CHD6: variants seen among roughly 807,000 people sequenced by gnomAD.
CHD6 encodes the protein chromodomain helicase DNA binding protein 6.
A neutral mutation model predicts 276.9 loss-of-function variants in CHD6; 50 were observed. That is an observed-to-expected ratio of 0.18 (90% confidence interval 0.14 to 0.23). The LOEUF (loss-of-function observed/expected upper bound fraction) is 0.23, where lower values mean the gene tolerates loss of function less well. Ranked by LOEUF, CHD6 falls within the 10% of genes least tolerant of loss-of-function variation. The probability of loss-of-function intolerance (pLI) is 1.00; values close to 1 mark genes in which losing one functional copy is unlikely to be tolerated. For missense variants in CHD6, 2,564 were observed against 3,365.8 expected (o/e 0.76, Z 5.89); for synonymous variants, 1,173 against 1,229.3 (o/e 0.95, Z 0.96).
At chr20:41,530,151 C>G (rs1012439506) in intron 3 of CHD6, among the ~76,000 whole-genome samples, 1 of 152,154 alleles carries the variant, frequency 6.6e-6, no homozygotes, top group African/African-American at 2.4e-5. Flanking sequence ...CACAAGCTAA[C>G]AAATGTTTTT....
chr20:41,524,757 G>A (rs1349807150), intron 3 of CHD6, among the ~76,000 whole-genome samples: 1 of 152,076 alleles, frequency 6.6e-6, no homozygotes, highest in Non-Finnish European at 1.5e-5. Flanking sequence ...TCCCTACTCA[G>A]TATTTTCGTT....
At position 41,452,691 on chromosome 20, in the gene CHD6, AG is replaced by A. The variant is rs1226244279; in HGVS notation, c.3323+48del. 6.5e-7 allele frequency: 1 copy of A among 1,529,206 alleles called. No individual in the cohort carries two copies. The highest frequency in any genetic ancestry group is 1.7e-5 in the Admixed American group (1 of 57,494). 94.7% of individuals were successfully genotyped at this position (1,529,206 alleles called of 1,614,324 possible). On this transcript the variant is annotated intron_variant, in intron 21 of 36. Coordinates refer to ENST00000373233, the MANE Select transcript of CHD6 (RefSeq NM_032221.5). The surrounding 1 kb of genome is among the most constrained non-coding windows in gnomAD (Gnocchi z 4.2). ...ACAAATCTCAGGGACTGAAAAACAG[AG>A]GGGAACAAACAACAATAACAACAAA...
chr20:41,572,080 G>A (rs1302832069), intron 1 of CHD6, among the ~76,000 whole-genome samples: 1 of 152,140 alleles, frequency 6.6e-6, no homozygotes, highest in African/African-American at 2.4e-5. Context: ...TGGCTTCTGT[G>A]CCAGTTATCA....
intron 1 of CHD6, among the ~76,000 whole-genome samples, chr20:41,596,572 G>T (rs1421658820): frequency 7.0e-6 from 1 of 142,130 alleles, no homozygotes; most frequent in Non-Finnish European, 1.6e-5. Context: ...CCCGCAATGG[G>T]ATAATAACAA....
intron 8 of CHD6, among the ~76,000 whole-genome samples, chr20:41,495,132 C>T (rs1210464911): frequency 2.0e-5 from 3 of 152,096 alleles, no homozygotes; most frequent in African/African-American, 7.2e-5. Flanking sequence ...GGAGTAGTGC[C>T]TATGAGCTAA....
intron 17 of CHD6, among the ~76,000 whole-genome samples, chr20:41,467,114 T>G (rs1447252336): frequency 6.6e-6 from 1 of 151,856 alleles, no homozygotes; most frequent in Non-Finnish European, 1.5e-5. Context: ...CTGAGAAAAA[T>G]AAACCCCTGT....
chr20:41,563,866 G>A (rs535266244), intron 1 of CHD6: 2 of 571,156 alleles, frequency 3.5e-6, no homozygotes, highest in East Asian at 5.8e-5. Context: ...TCAGAGCCCT[G>A]AAAATTCAAG....
intron 16 of CHD6, among the ~76,000 whole-genome samples, chr20:41,474,859 C>T (rs372496408): frequency 1.3e-5 from 2 of 152,124 alleles, no homozygotes; most frequent in African/African-American, 4.8e-5. Flanking sequence ...ATGTATAAAG[C>T]AAAGAAACAA....
chr20:41,466,783 C>G (rs1235930949), intron 17 of CHD6, among the ~76,000 whole-genome samples: 1 of 152,306 alleles, frequency 6.6e-6, no homozygotes, highest in African/African-American at 2.4e-5. Flanking sequence ...CTTTCTTGCT[C>G]ACTGCCAGAA....
chr20:41,617,743 G>C (rs887908625), intron 1 of CHD6, among the ~76,000 whole-genome samples: 3 of 152,064 alleles, frequency 2.0e-5, no homozygotes, highest in Non-Finnish European at 2.9e-5. Context: ...GAAGGGGGCG[G>C]AGGGGGTGCG....
chr20:41,555,408 G>GGGCTGA (rs1371148230), intron 1 of CHD6, among the ~76,000 whole-genome samples: 6 of 149,998 alleles, frequency 4.0e-5, no homozygotes, highest in African/African-American at 1.2e-4. Context: ...GCCGGGCAGG[G>GGGCTGA]GGCTGACCCC....
At chr20:41,586,930 C>A (rs564788742) in intron 1 of CHD6, among the ~76,000 whole-genome samples, 2 of 152,308 alleles carry the variant, frequency 1.3e-5, no homozygotes, top group Non-Finnish European at 2.9e-5. Flanking sequence ...TTTCATCACA[C>A]TGACTCAATA....
chr20:41,542,909 C>T (rs1266339191), intron 2 of CHD6, among the ~76,000 whole-genome samples: 1 of 151,776 alleles, frequency 6.6e-6, no homozygotes, highest in African/African-American at 2.4e-5. Flanking sequence ...TTGAGACCAT[C>T]CTGGCCAACA....
At chr20:41,424,198 C>T (rs1235095408) in intron 29 of CHD6, among the ~76,000 whole-genome samples, 1 of 152,180 alleles carries the variant, frequency 6.6e-6, no homozygotes, top group Non-Finnish European at 1.5e-5. Flanking sequence ...AGTGACACAA[C>T]CCCTGCCTCC....
At chr20:41,487,229 T>C (rs972912658) in intron 14 of CHD6, among the ~76,000 whole-genome samples, 1 of 152,192 alleles carries the variant, frequency 6.6e-6, no homozygotes, top group African/African-American at 2.4e-5. Context: ...ACTGCCTTCT[T>C]TTCCTCACTA....
At chr20:41,486,742 C>T (rs1003883840) in intron 14 of CHD6, among the ~76,000 whole-genome samples, 2 of 152,158 alleles carry the variant, frequency 1.3e-5, no homozygotes, top group African/African-American at 4.8e-5. Context: ...CACAATATAA[C>T]CCTAAACACT....
chr20:41,406,005 T>C (rs1338296374), intron 36 of CHD6, among the ~76,000 whole-genome samples: 4 of 152,280 alleles, frequency 2.6e-5, no homozygotes, highest in African/African-American at 9.6e-5. Flanking sequence ...ACATGTCAGT[T>C]AGCCTCTGAG....
At chr20:41,441,982 A>G (rs2047916147) in intron 25 of CHD6, among the ~76,000 whole-genome samples, 1 of 152,232 alleles carries the variant, frequency 6.6e-6, no homozygotes, top group South Asian at 2.1e-4. Flanking sequence ...CTGAGCTGTC[A>G]AGAGCATAAT....
chr20:41,571,254 C>T (rs1444561094), intron 1 of CHD6, among the ~76,000 whole-genome samples: 1 of 151,926 alleles, frequency 6.6e-6, no homozygotes, highest in Non-Finnish European at 1.5e-5. Flanking sequence ...ATCTGTGAGG[C>T]CATAAAAAAG....
Sources: allele counts gnomAD v4.1 joint callset (sites outside exome capture counted in the v4.1 genomes callset), GRCh38; gene constraint gnomAD v4.1.1; non-coding constraint Gnocchi (gnomAD v3.1); transcripts MANE v1.5; gene names NCBI Gene and HGNC (gene_info 2026-07-23, HGNC 2026-07-21).